The following SH3PXD2B variants were observed in gnomAD, a reference collection of about 807,000 sequenced individuals.
SH3PXD2B encodes SH3 and PX domains 2B.
A neutral mutation model predicts 73.1 loss-of-function variants in SH3PXD2B; 37 were observed. The observed-to-expected ratio is 0.51, with a 90% CI of 0.39 to 0.67. The LOEUF is 0.67. Ranked by LOEUF, SH3PXD2B falls within the 30% of genes least tolerant of loss-of-function variation. The probability of loss-of-function intolerance (pLI) is 0.00; values close to 1 mark genes in which losing one functional copy is unlikely to be tolerated. For missense variants in SH3PXD2B, 1,053 were observed against 1,197.8 expected, an observed-to-expected ratio of 0.88 and a Z score of 1.78; for synonymous variants, 457 against 480.5, an observed-to-expected ratio of 0.95 and a Z score of 0.64.
chr5:172,326,513 G>C (rs1412632576), intron 12 of SH3PXD2B, among the ~76,000 whole-genome samples: 1 of 152,154 alleles, frequency 6.6e-6, no homozygotes, highest in Non-Finnish European at 1.5e-5. Context: ...TTTGTCAAGT[G>C]GATTCAGCCA....
chr5:172,380,328 T>C (rs1268955692), intron 5 of SH3PXD2B, among the ~76,000 whole-genome samples: 2 of 152,216 alleles, frequency 1.3e-5, no homozygotes, highest in African/African-American at 4.8e-5. Context: ...CCTAAAGTGC[T>C]GGGATTACAG....
rs774348028 is a variant in SH3PXD2B at position 172,337,439 on chromosome 5, T to C, written c.*930A>G. On this transcript the variant is annotated 3_prime_UTR_variant, in exon 13 of 13. Transcript: ENST00000311601. ...GAATTTCCTCATCTATAAAGGGAGG[T>C]TGTGAGGGTCAAAGCATGAATGCAA... 2.9e-5 allele frequency: 28 copies of C among 980,838 alleles called. No homozygotes were observed. The highest frequency in any genetic ancestry group is 3.3e-5 in the Non-Finnish European group (27 of 826,126). 60.8% of individuals were successfully genotyped at this position (980,838 alleles called of 1,614,324 possible).
At chr5:172,327,447 A>G (rs1189826337) in intron 12 of SH3PXD2B, among the ~76,000 whole-genome samples, 1 of 152,194 alleles carries the variant, frequency 6.6e-6, no homozygotes, top group Admixed American at 6.5e-5. Context: ...CGGGTATATA[A>G]GACAAGCCAC....
At chr5:172,329,934 C>A (rs932932347), downstream of SH3PXD2B, among the ~76,000 whole-genome samples, 1 of 152,152 alleles carries the variant, frequency 6.6e-6, no homozygotes, top group South Asian at 2.1e-4. Context: ...TAAAGGAAAA[C>A]GTGTTTAGGA....
chr5:172,355,476 A>G (rs1399332844), intron 8 of SH3PXD2B, among the ~76,000 whole-genome samples: 1 of 151,994 alleles, frequency 6.6e-6, no homozygotes, highest in East Asian at 1.9e-4. Context: ...GAAAGAGTGC[A>G]GTCAGTTCTC....
intron 3 of SH3PXD2B, among the ~76,000 whole-genome samples, chr5:172,395,205 C>T (rs1758267584): frequency 6.6e-6 from 1 of 152,194 alleles, no homozygotes; most frequent in African/African-American, 2.4e-5. Flanking sequence ...TCTGACTGCA[C>T]ACATTATTTA....
intron 12 of SH3PXD2B, among the ~76,000 whole-genome samples, chr5:172,343,964 T>C (rs1481979281): frequency 6.8e-6 from 1 of 148,146 alleles, no homozygotes; most frequent in African/African-American, 2.5e-5. Flanking sequence ...AACATGCTGA[T>C]AGAAAAAAAA....
rs1193345053 is a variant in SH3PXD2B at position 172,338,000 on chromosome 5, G to C, written c.*369C>G. 1 of 1,189,896 alleles carries C rather than the reference G, an allele frequency of 8.4e-7. No individual in the cohort carries two copies. Among genetic ancestry groups the C allele is most frequent in the African/African-American group, 1.6e-5 (1 of 63,690 alleles). The allele number at this position is 1,189,896 out of a possible 1,614,324, so 73.7% of individuals were successfully genotyped here. On this transcript the variant is annotated 3_prime_UTR_variant, in exon 13 of 13. Transcript: ENST00000311601. The stretch of plus-strand genomic sequence containing the variant: ...TTACTGTGCCATGTCCAAGCCATGA[G>C]AGACCCTTGCTGGAGTTTCTCCAGG...
intron 1 of SH3PXD2B, 25 bp from the exon 2 acceptor site, chr5:172,422,521 G>C: frequency 1.2e-6 from 2 of 1,600,774 alleles, no homozygotes; most frequent in Non-Finnish European, 1.7e-6. Flanking sequence ...GAGGAGATGG[G>C]TGTTAACACC....
At chr5:172,427,866 CTCCCGGGT>C (rs1326930046) in intron 1 of SH3PXD2B, among the ~76,000 whole-genome samples, 1 of 151,590 alleles carries the variant, frequency 6.6e-6, no homozygotes, top group Non-Finnish European at 1.5e-5. Flanking sequence ...CAACCTCTGC[CTCCCGGGT>C]TCAAGCAATT....
At chr5:172,409,382 C>T (rs1443147142) in intron 2 of SH3PXD2B, among the ~76,000 whole-genome samples, 1 of 152,164 alleles carries the variant, frequency 6.6e-6, no homozygotes, top group East Asian at 1.9e-4. Flanking sequence ...AACTCTGTCT[C>T]AAAACAAAAA....
rs149948488 is a variant in SH3PXD2B at position 172,384,235 on chromosome 5, C to A, written c.310-2108G>T. ...CGACGCTGCAGCAGTACTGGGCTCTCGTGGACCAACGGAGAGATGAATGGA... is the reference window on the plus strand; with the variant it reads ...CGACGCTGCAGCAGTACTGGGCTCTAGTGGACCAACGGAGAGATGAATGGA... On this transcript the variant is annotated intron_variant, in intron 4 of 12. Coordinates refer to ENST00000311601, the MANE Select transcript of SH3PXD2B (RefSeq NM_001017995.3). 2.0e-3 allele frequency among the ~76,000 whole-genome samples: 308 copies of A among 152,244 alleles called. 2 individuals are homozygous for A. The highest frequency in any genetic ancestry group is 7.0e-3 in the African/African-American group (290 of 41,540).
chr5:172,382,177 A>T, intron 4 of SH3PXD2B, 50 bp from the exon 5 acceptor site: 1 of 1,449,790 alleles, frequency 6.9e-7, no homozygotes, highest in Non-Finnish European at 9.5e-7. Context: ...GGGGCTGAGC[A>T]TGGTGGCACG....
At chr5:172,425,867 G>A (rs995294223) in intron 1 of SH3PXD2B, among the ~76,000 whole-genome samples, 1 of 152,122 alleles carries the variant, frequency 6.6e-6, no homozygotes, top group Admixed American at 6.5e-5. Context: ...GCGGACCAAA[G>A]AATGCAGCTC....
chr5:172,362,616 G>C, intron 7 of SH3PXD2B, 119 bp downstream of exon 7: 2 of 1,428,362 alleles, frequency 1.4e-6, no homozygotes, highest in Non-Finnish European at 2.0e-6. Context: ...ACCCTCAGCA[G>C]GATCTATGGG....
chr5:172,428,723 C>G (rs976397033), intron 1 of SH3PXD2B, among the ~76,000 whole-genome samples: 1 of 152,198 alleles, frequency 6.6e-6, no homozygotes, highest in African/African-American at 2.4e-5. Flanking sequence ...ACACAATCTG[C>G]TGTTGGTATT....
chr5:172,400,765 G>A (rs1408342977), intron 3 of SH3PXD2B, among the ~76,000 whole-genome samples: 1 of 152,228 alleles, frequency 6.6e-6, no homozygotes, highest in Non-Finnish European at 1.5e-5. Context: ...ACTGTCCAAT[G>A]CATTAATTGT....
chr5:172,446,640 G>A (rs945663774), intron 1 of SH3PXD2B, among the ~76,000 whole-genome samples: 2 of 152,182 alleles, frequency 1.3e-5, no homozygotes, highest in African/African-American at 4.8e-5. Context: ...TTGCCGACTT[G>A]CCTGCACCTC....
chr5:172,439,238 G>GAAAAAAAAAA (rs922645535), intron 1 of SH3PXD2B, among the ~76,000 whole-genome samples: 5 of 33,214 alleles, frequency 1.5e-4, no homozygotes, highest in African/African-American at 7.2e-4. Flanking sequence ...AGAAAAAACA[G>GAAAAAAAAAA]AAAAAAAAAA....
Sources: gnomAD v4.1 joint callset for allele counts (sites outside exome capture counted in the v4.1 genomes callset) on GRCh38, gnomAD v4.1.1 for gene constraint, MANE v1.5 for transcripts, NCBI Gene and HGNC (gene_info 2026-07-23, HGNC 2026-07-21) for gene names.